CSNK2A2IP: variants seen among roughly 807,000 people sequenced by gnomAD.
The protein encoded by CSNK2A2IP is casein kinase 2 subunit alpha' interacting protein.
chr3:88,466,067 A>C, the CSNK2A2IP span: 1 of 1,231,650 alleles, frequency 8.1e-7, no homozygotes, highest in East Asian at 3.2e-5. Flanking sequence ...TTGCAGCGCA[A>C]TCAAAGATCT....
chr3:88,371,928 G>A, the CSNK2A2IP span, among the ~76,000 whole-genome samples: 1 of 151,520 alleles, frequency 6.6e-6, no homozygotes, highest in African/African-American at 2.4e-5. Context: ...GAACAACAAT[G>A]ACAAAAAGAT....
chr3:88,356,612 AG>A, the CSNK2A2IP span, among the ~76,000 whole-genome samples: 425 of 152,276 alleles, frequency 2.8e-3, no homozygotes, highest in African/African-American at 9.9e-3. Context: ...ATATATACCT[AG>A]CAGTGAGATT....
At chr3:88,348,725 A>G in the CSNK2A2IP span, among the ~76,000 whole-genome samples, 1 of 152,028 alleles carries the variant, frequency 6.6e-6, no homozygotes, top group Non-Finnish European at 1.5e-5. Context: ...TTTGGGCATC[A>G]CATTCAAGTC....
the CSNK2A2IP span, chr3:88,465,275 T>C: frequency 1.3e-6 from 1 of 799,440 alleles, no homozygotes; most frequent in East Asian, 3.4e-5. Flanking sequence ...CCATTTTCCA[T>C]GGATTCCCGC....
chr3:88,360,819 GT>G, the CSNK2A2IP span, among the ~76,000 whole-genome samples: 27 of 50,348 alleles, frequency 5.4e-4, no homozygotes, highest in African/African-American at 1.2e-3. Context: ...TAATTTTTTG[GT>G]TTTTTTTATT....
the CSNK2A2IP span, among the ~76,000 whole-genome samples, chr3:88,396,785 G>A: frequency 2.0e-5 from 3 of 152,216 alleles, no homozygotes; most frequent in African/African-American, 7.2e-5. Flanking sequence ...CAGTATGGCT[G>A]CCATGTGAAG....
chr3:88,410,060 C>G, the CSNK2A2IP span, among the ~76,000 whole-genome samples: 1 of 152,094 alleles, frequency 6.6e-6, no homozygotes, highest in East Asian at 1.9e-4. Context: ...ATCAATACAT[C>G]AGAAAACTCT....
At chr3:88,396,863 G>A in the CSNK2A2IP span, among the ~76,000 whole-genome samples, 258 of 152,296 alleles carry the variant, frequency 1.7e-3, 2 homozygotes, top group East Asian at 0.04. Context: ...ATAGTCCAAA[G>A]TGGTGGCTTG....
the CSNK2A2IP span, among the ~76,000 whole-genome samples, chr3:88,416,125 G>A: frequency 6.6e-6 from 1 of 151,880 alleles, no homozygotes; most frequent in South Asian, 2.1e-4. Context: ...AGAAAAATTA[G>A]CCTGGTGTGG....
At chr3:88,359,230 T>C in the CSNK2A2IP span, among the ~76,000 whole-genome samples, 2 of 151,880 alleles carry the variant, frequency 1.3e-5, no homozygotes, top group African/African-American at 2.4e-5. Context: ...TCAGTTGTAA[T>C]GTCTCTTTTT....
chr3:88,400,414 C>T, the CSNK2A2IP span, among the ~76,000 whole-genome samples: 2 of 152,012 alleles, frequency 1.3e-5, no homozygotes, highest in African/African-American at 2.4e-5. Context: ...TCATGGCCCG[C>T]AAAGGTTTCC....
the CSNK2A2IP span, among the ~76,000 whole-genome samples, chr3:88,345,418 G>A: frequency 6.6e-6 from 1 of 151,866 alleles, no homozygotes; most frequent in Admixed American, 6.6e-5. Flanking sequence ...TTGCTTTACT[G>A]AGCTTCACAG....
the CSNK2A2IP span, among the ~76,000 whole-genome samples, chr3:88,360,936 TA>T: frequency 6.6e-6 from 1 of 152,138 alleles, no homozygotes; most frequent in Admixed American, 6.5e-5. Flanking sequence ...CTTATCACAA[TA>T]AACAAACAAA....
At chr3:88,381,145 C>A in the CSNK2A2IP span, among the ~76,000 whole-genome samples, 1 of 152,118 alleles carries the variant, frequency 6.6e-6, no homozygotes, top group African/African-American at 2.4e-5. Flanking sequence ...ATCTGGTCCT[C>A]GTCCTGAGAT....
chr3:88,356,013 C>A, the CSNK2A2IP span, among the ~76,000 whole-genome samples: 2 of 151,908 alleles, frequency 1.3e-5, no homozygotes, highest in Non-Finnish European at 2.9e-5. Context: ...TATTTTGATG[C>A]AAGTGTACAA....
At chr3:88,435,888 ATAATGCACATTATGTGTG>A in the CSNK2A2IP span, among the ~76,000 whole-genome samples, 5 of 17,874 alleles carry the variant, frequency 2.8e-4, no homozygotes, top group Admixed American at 9.1e-4. Context: ...CATTATATAT[ATAATGCACATTATGTGTG>A]CATTATATAT....
chr3:88,411,999 C>A, the CSNK2A2IP span, among the ~76,000 whole-genome samples: 1 of 151,596 alleles, frequency 6.6e-6, no homozygotes, highest in Non-Finnish European at 1.5e-5. Flanking sequence ...TTCTATTTGA[C>A]AACACTGTTA....
At chr3:88,383,957 C>G in the CSNK2A2IP span, among the ~76,000 whole-genome samples, 1 of 152,094 alleles carries the variant, frequency 6.6e-6, no homozygotes, top group Non-Finnish European at 1.5e-5. Flanking sequence ...GCCACTGCGC[C>G]GGGCTTCTTC....
chr3:88,376,192 T>C, the CSNK2A2IP span, among the ~76,000 whole-genome samples: 1 of 151,756 alleles, frequency 6.6e-6, no homozygotes, highest in Non-Finnish European at 1.5e-5. Flanking sequence ...AATATTGGTG[T>C]GCTCTGTGAT....
Sources: allele counts gnomAD v4.1 joint callset (sites outside exome capture counted in the v4.1 genomes callset), GRCh38; gene constraint gnomAD v4.1.1; transcripts MANE v1.5; gene names NCBI Gene and HGNC (gene_info 2026-07-23, HGNC 2026-07-21).